The following RASAL1 variants were observed in gnomAD, a reference collection of about 807,000 sequenced individuals.
RASAL1 encodes RAS protein activator like 1.
RASAL1 carries 72 observed loss-of-function variants against 96.6 expected under a neutral mutation model. That is an observed-to-expected ratio of 0.75 (90% CI 0.62 to 0.91). The LOEUF (loss-of-function observed/expected upper bound fraction) is 0.91, where lower values mean the gene tolerates loss of function less well. Among genes scored for constraint, RASAL1 ranks in the 40% least tolerant of loss-of-function variants. RASAL1 has a pLI of 0.00. For synonymous variants in RASAL1, 405 were observed against 430.4 expected (o/e 0.94, Z 0.73); for missense variants, 1,016 against 1,072.5 (o/e 0.95, Z 0.74).
upstream of RASAL1, chr12:113,135,762 G>A: frequency 3.4e-6 from 1 of 291,014 alleles, no homozygotes; most frequent in East Asian, 7.3e-5. The surrounding 1 kb of genome is among the most constrained non-coding windows in gnomAD (Gnocchi z 5.7). Context: ...CAGGCTGGGC[G>A]GGCAGGGGGC....
In RASAL1 at chr12:113,135,299, G is replaced by T. The variant is rs1389311590; in HGVS notation, c.65+99C>A. 2 of 1,134,148 alleles carry T rather than the reference G, an allele frequency of 1.8e-6. No individual in the cohort carries two copies. Among genetic ancestry groups the T allele is most frequent in the East Asian group, 2.6e-5 (1 of 38,588 alleles). The allele number at this position is 1,134,148 out of a possible 1,614,324, so 70.3% of individuals were successfully genotyped here. ...GACCAGTCTTGGACAAGAACCCCTC[G>T]CCCTCCTGCCAACCCGCCCTGGCAC... On this transcript the variant is annotated intron_variant, in intron 1 of 20. Coordinates refer to ENST00000548055, the MANE Select transcript of RASAL1 (RefSeq NM_001301202.2). The surrounding 1 kb of genome is among the most constrained non-coding windows in gnomAD (Gnocchi z 5.7).
chr12:113,115,307 G>A lies in RASAL1; in HGVS notation c.1004-43C>T. On this transcript the variant is annotated intron_variant, in intron 10 of 20. Transcript: ENST00000548055. The surrounding 1 kb of genome is among the most constrained non-coding windows in gnomAD (Gnocchi z 4.1). Reference sequence around the variant, plus strand: ...AGTGTTTGCTGGGATTTAGGGAGCTGAACCCAGCTCACCCCACTCACCCAA... The same window carrying A: ...AGTGTTTGCTGGGATTTAGGGAGCTAAACCCAGCTCACCCCACTCACCCAA... 6.4e-7 allele frequency: 1 copy of A among 1,555,576 alleles called. No individual in the cohort carries two copies. The highest frequency in any genetic ancestry group is 1.1e-5 in the South Asian group (1 of 89,768).
At chr12:113,131,081 T>C in intron 1 of RASAL1, 140 bp from the exon 2 acceptor site, 2 of 634,114 alleles carry the variant, frequency 3.2e-6, no homozygotes, top group Non-Finnish European at 5.6e-6. Context: ...CAAGTCCAGC[T>C]CAGAAGTAGA....
intron 13 of RASAL1, among the ~76,000 whole-genome samples, 155 bp downstream of exon 13, chr12:113,111,931 C>G (rs1007880358): frequency 6.6e-6 from 1 of 152,144 alleles, no homozygotes; most frequent in Non-Finnish European, 1.5e-5. Context: ...TCTTGGGACC[C>G]GGACCCTGCC....
In RASAL1 at chr12:113,121,594, C is replaced by T. The variant is rs746932050; in HGVS notation, c.343G>A (p.Glu115Lys). The change falls in exon 5 of 21, where the codon GAA (glutamate) becomes AAA (lysine). Residue 115 changes from glutamate to lysine, a missense_variant. Transcript: ENST00000548055. Reference protein sequence around the residue: ...INLSRVDPDAEVQGEICLSVQ... With the variant: ...INLSRVDPDAKVQGEICLSVQ... ...GACAGGCAGATCTCACCCTGCACTT[C>T]TGCATCTGGGTCCACTCGGCTCAAG... 6.2e-7 allele frequency: 1 copy of T among 1,614,250 alleles called. No homozygotes were observed. The highest frequency in any genetic ancestry group is 8.5e-7 in the Non-Finnish European group (1 of 1,180,042).
intron 15 of RASAL1, among the ~76,000 whole-genome samples, chr12:113,106,836 A>G (rs779679343): frequency 2.6e-5 from 4 of 152,086 alleles, no homozygotes; most frequent in Non-Finnish European, 5.9e-5. Flanking sequence ...CGCTTAATAG[A>G]TGTTTGTCAA....
rs372736495 is a variant in RASAL1, at chr12:113,108,102, G to A, written c.1495C>T (p.Leu499=). The change falls in exon 14 of 21, where the codon CTG becomes TTG. Residue 499 remains leucine (L), a synonymous_variant. Transcript: ENST00000548055. The part of the protein sequence containing the change: ...QHADPQTSRS[L]LLLAKAVQSI... Reference sequence around the variant, plus strand: ...GCTGGCACCTTGGCAAGCAACAGCAGTGAGCGGCTAGTCTGGGGGTCCGCG... The same window carrying A: ...GCTGGCACCTTGGCAAGCAACAGCAATGAGCGGCTAGTCTGGGGGTCCGCG... 5.4e-4 allele frequency: 870 copies of A among 1,612,936 alleles called. 13 individuals are homozygous for A. In the South Asian group the frequency reaches 9.3e-3, roughly 17 times the overall value.
At position 113,115,253 on chromosome 12, in the gene RASAL1, T is replaced by G. The variant is rs1592922506; in HGVS notation, c.1015A>C (p.Thr339Pro). ...GCCAGGGAGTTAGAACGGAAGAGGGTGTTGGGGTCCACTGGGAGGACAGGA... is the reference window on the plus strand; with the variant it reads ...GCCAGGGAGTTAGAACGGAAGAGGGGGTTGGGGTCCACTGGGAGGACAGGA... ...REVARTMDPN[T>P]LFRSNSLASK... The change falls in exon 11 of 21, where the codon ACC becomes CCC. Residue 339 changes from threonine to proline, a missense_variant. Thr to Pro is a conservative substitution (Grantham distance 38). Transcript: ENST00000548055. This position sits in a 1 kb window ranked among gnomAD's most constrained non-coding sequence, Gnocchi z 4.1. 6.2e-7 allele frequency: 1 copy of G among 1,613,570 alleles called. No homozygotes were observed. Among genetic ancestry groups the G allele is most frequent in the Non-Finnish European group, 8.5e-7 (1 of 1,179,610 alleles).
At chr12:113,107,650 T>C (rs1394073323) in intron 14 of RASAL1, 4 of 397,906 alleles carry the variant, frequency 1.0e-5, no homozygotes, top group South Asian at 5.9e-5. Flanking sequence ...ATAAGAAGAC[T>C]CAACACCTTC....
Position 113,134,158 on chromosome 12 carries a change from G to A in RASAL1, c.65+1240C>T, listed in dbSNP as rs139356328. 1.2e-3 allele frequency among the ~76,000 whole-genome samples: 183 copies of A among 152,300 alleles called. 3 individuals carry two copies. Among genetic ancestry groups the A allele is most frequent in the African/African-American group, 4.2e-3 (174 of 41,560 alleles). On this transcript the variant is annotated intron_variant, in intron 1 of 20. Transcript: ENST00000548055. ...TAGAAAGAGTCTGGTGGGGGGGCTT[G>A]TCCAGCCACTGAACTGTCAGAGCAC...
At chr12:113,100,372 C>T (rs1019692906) in intron 20 of RASAL1, among the ~76,000 whole-genome samples, 14 of 152,178 alleles carry the variant, frequency 9.2e-5, no homozygotes, top group African/African-American at 2.9e-4. Context: ...GATCTCAGCT[C>T]ATTGCAACCT....
intron 4 of RASAL1, among the ~76,000 whole-genome samples, chr12:113,123,328 T>C (rs1219160648): frequency 3.3e-5 from 5 of 152,214 alleles, no homozygotes; most frequent in African/African-American, 7.2e-5. Context: ...TGTGAAGTCA[T>C]GTTTGTTTGA....
Position 113,130,918 on chromosome 12 carries a change from C to T in RASAL1, c.89G>A (p.Cys30Tyr), listed in dbSNP as rs146594348. The T allele has an allele frequency of 6.2e-7, 1 of 1,613,678 alleles. No homozygotes were observed. Among genetic ancestry groups the T allele is most frequent in the East Asian group, 2.2e-5 (1 of 44,878 alleles). The change falls in exon 2 of 21, where the codon TGC becomes TAC. Residue 30 changes from cysteine (C) to tyrosine (Y), a missense_variant. By Grantham distance (194) the Cys-to-Tyr change is radical. Transcript: ENST00000548055. This position sits in a 1 kb window ranked among gnomAD's most constrained non-coding sequence, Gnocchi z 5.1. ...KDVSGSSDPY[C>Y]LVKVDDEVVA... The stretch of plus-strand genomic sequence containing the variant: ...CACCTCGTCGTCCACTTTCACTAGG[C>T]AGTAGGGGTCGCTGCTCCCAGACCT...
chr12:113,120,533 C>T (rs896432054), intron 5 of RASAL1, among the ~76,000 whole-genome samples: 14 of 152,264 alleles, frequency 9.2e-5, no homozygotes, highest in African/African-American at 3.4e-4. Context: ...AGGTCCTCCC[C>T]AATCTGGGCA....
chr12:113,103,284 T>C (rs992320250), intron 18 of RASAL1, among the ~76,000 whole-genome samples: 2 of 151,020 alleles, frequency 1.3e-5, no homozygotes, highest in East Asian at 3.8e-4. Flanking sequence ...ACATTGTATA[T>C]ACATTGTTAA....
chr12:113,101,829 C>T (rs563548590), intron 19 of RASAL1, 60 bp downstream of exon 19: 21 of 1,574,374 alleles, frequency 1.3e-5, no homozygotes, highest in African/African-American at 9.4e-5. Flanking sequence ...AGCAAGGCCA[C>T]GGTGGGGGGC....
chr12:113,116,495 C>G (rs1306092835), intron 8 of RASAL1, among the ~76,000 whole-genome samples: 4 of 152,118 alleles, frequency 2.6e-5, no homozygotes, highest in African/African-American at 9.7e-5. Context: ...CAAAACAAGA[C>G]AGGTGTAGGC....
chr12:113,101,202 A>T (rs1950430308), intron 19 of RASAL1, among the ~76,000 whole-genome samples: 1 of 152,186 alleles, frequency 6.6e-6, no homozygotes, highest in Non-Finnish European at 1.5e-5. Context: ...GATCACTTGA[A>T]GTCAGGAACT....
intron 13 of RASAL1, among the ~76,000 whole-genome samples, chr12:113,109,028 G>GGT: frequency 1.1e-5 from 1 of 90,166 alleles, no homozygotes; most frequent in Non-Finnish European, 2.2e-5. Flanking sequence ...TTTGTTTTTA[G>GGT]GTTTTTTTGT....
Sources: gnomAD v4.1 joint callset for allele counts (sites outside exome capture counted in the v4.1 genomes callset) on GRCh38, gnomAD v4.1.1 for gene constraint, Gnocchi (gnomAD v3.1) non-coding constraint, MANE v1.5 for transcripts, NCBI Gene and HGNC (gene_info 2026-07-23, HGNC 2026-07-21) for gene names.